The following C1orf21 variants were observed in gnomAD, a reference collection of about 807,000 sequenced individuals.
C1orf21 encodes uncharacterized protein C1orf21.
Under a neutral mutation model 18.7 loss-of-function variants are expected in C1orf21, and 3 were observed. That is an observed-to-expected ratio of 0.16 (90% confidence interval 0.07 to 0.42). The LOEUF (loss-of-function observed/expected upper bound fraction) is 0.42, where lower values mean the gene tolerates loss of function less well. C1orf21 is among the 10% of genes least tolerant of loss of function. The pLI is 0.99. For missense variants in C1orf21, 104 were observed against 143.6 expected (o/e 0.72, Z 1.41); for synonymous variants, 41 against 46.4 (o/e 0.88, Z 0.47).
chr1:184,438,621 C>T (rs1478896576), intron 1 of C1orf21, among the ~76,000 whole-genome samples: 1 of 152,124 alleles, frequency 6.6e-6, no homozygotes, highest in Non-Finnish European at 1.5e-5. Flanking sequence ...TGTTACAGGA[C>T]AGAGGGGATA....
chr1:184,492,013 C>A (rs10911600), intron 2 of C1orf21, among the ~76,000 whole-genome samples: 26,184 of 152,180 alleles, frequency 0.17, 2,467 homozygotes, highest in Admixed American at 0.28. Flanking sequence ...CATCTTCATT[C>A]TTTGTAACTT....
At chr1:184,445,185 GGC>G (rs1657009627) in intron 1 of C1orf21, among the ~76,000 whole-genome samples, 1 of 152,074 alleles carries the variant, frequency 6.6e-6, no homozygotes, top group Non-Finnish European at 1.5e-5. Flanking sequence ...TTTCCATACT[GGC>G]ATGTGGGAAG....
intron 1 of C1orf21, among the ~76,000 whole-genome samples, chr1:184,460,731 G>T (rs1323810241): frequency 3.1e-4 from 25 of 81,834 alleles, no homozygotes; most frequent in Admixed American, 4.9e-4. Context: ...TTTTTTTTAA[G>T]AAATGGGGTC....
At chr1:184,467,172 G>A (rs1449707292) in intron 1 of C1orf21, among the ~76,000 whole-genome samples, 3 of 152,144 alleles carry the variant, frequency 2.0e-5, no homozygotes, top group Admixed American at 6.5e-5. Flanking sequence ...TTCCTTAAAA[G>A]CCGTCTCATC....
chr1:184,507,689 A>G lies in C1orf21; in HGVS notation c.189+7A>G. Reference sequence around the variant, plus strand: ...CAGGAACCAAGAAAACTTGGTAAGAATTGATTTTCTCACTTAACAATGAAT... The same window carrying G: ...CAGGAACCAAGAAAACTTGGTAAGAGTTGATTTTCTCACTTAACAATGAAT... On this transcript the variant is annotated splice_region_variant and intron_variant, in intron 3 of 5. Coordinates refer to ENST00000235307, the MANE Select transcript of C1orf21 (RefSeq NM_030806.4). 6.3e-7 allele frequency: 1 copy of G among 1,576,266 alleles called. No individual in the cohort carries two copies. Among genetic ancestry groups the G allele is most frequent in the Non-Finnish European group, 8.6e-7 (1 of 1,166,988 alleles).
At chr1:184,442,367 G>A (rs181690262) in intron 1 of C1orf21, among the ~76,000 whole-genome samples, 1 of 152,252 alleles carries the variant, frequency 6.6e-6, no homozygotes, top group East Asian at 1.9e-4. Flanking sequence ...GCCCCTCTGA[G>A]TTTGCATCTC....
intron 3 of C1orf21, among the ~76,000 whole-genome samples, chr1:184,522,100 TA>T (rs1440167988): frequency 2.0e-5 from 3 of 152,174 alleles, no homozygotes; most frequent in Non-Finnish European, 4.4e-5. Context: ...AGGGGATGGC[TA>T]GAATGATCCT....
rs554865677 is a variant in C1orf21, at chr1:184,560,648, C to T, written c.190-30091C>T. Among the ~76,000 whole-genome samples the T allele has an allele frequency of 3.8e-3, 576 of 152,156 alleles. 3 individuals carry two copies. The highest frequency in any genetic ancestry group is 5.9e-3 in the Non-Finnish European group (404 of 67,994). On this transcript the variant is annotated intron_variant, in intron 3 of 5. Coordinates refer to ENST00000235307, the MANE Select transcript of C1orf21 (RefSeq NM_030806.4). ...CACCTCAAGTGGAGTGTGGGGGAGA[C>T]GATCAGCTTCCTCCCAGCCATTGAC...
intron 3 of C1orf21, among the ~76,000 whole-genome samples, chr1:184,559,531 CT>C (rs1658928124): frequency 8.0e-6 from 1 of 124,660 alleles, no homozygotes; most frequent in Non-Finnish European, 1.6e-5. Flanking sequence ...TCCTTCCTTC[CT>C]TCCTTCCTTC....
At chr1:184,564,259 T>G (rs1373527125) in intron 3 of C1orf21, among the ~76,000 whole-genome samples, 1 of 152,178 alleles carries the variant, frequency 6.6e-6, no homozygotes, top group Non-Finnish European at 1.5e-5. Flanking sequence ...GTAGAAGAGA[T>G]AGAACACAGC....
Position 184,621,537 on chromosome 1 carries a change from T to A in C1orf21, c.*1981T>A, listed in dbSNP as rs1315116487. On this transcript the variant is annotated 3_prime_UTR_variant, in exon 6 of 6. Coordinates refer to ENST00000235307, the MANE Select transcript of C1orf21 (RefSeq NM_030806.4). ...GTTCACTGGGGACTTTGCTTACCGT[T>A]CTGTGGGTGACCTTTTCCGGGATTT... 6.6e-6 allele frequency: 1 copy of A among 152,600 alleles called. No individual in the cohort carries two copies. The highest frequency in any genetic ancestry group is 2.4e-5 in the African/African-American group (1 of 41,434). The allele number at this position is 152,600 out of a possible 1,614,324, so 9.5% of individuals were successfully genotyped here.
At chr1:184,540,739 C>G (rs1020825554) in intron 3 of C1orf21, among the ~76,000 whole-genome samples, 4 of 152,150 alleles carry the variant, frequency 2.6e-5, no homozygotes, top group Admixed American at 2.6e-4. Context: ...CCAGGAATTT[C>G]TAATCTAGTT....
intron 3 of C1orf21, among the ~76,000 whole-genome samples, chr1:184,582,926 T>A (rs929363151): frequency 6.6e-6 from 1 of 152,056 alleles, no homozygotes; most frequent in African/African-American, 2.4e-5. Flanking sequence ...GAAACCTCCA[T>A]CTCCCGGTTT....
At chr1:184,536,261 G>A (rs547563447) in intron 3 of C1orf21, among the ~76,000 whole-genome samples, 16 of 152,248 alleles carry the variant, frequency 1.1e-4, no homozygotes, top group South Asian at 2.1e-4. Context: ...CAATGTTGGC[G>A]TACACACTCT....
chr1:184,422,508 G>A (rs1044765734), intron 1 of C1orf21, among the ~76,000 whole-genome samples: 6 of 152,098 alleles, frequency 3.9e-5, no homozygotes, highest in African/African-American at 1.4e-4. Flanking sequence ...TAAGTAACTC[G>A]CTTCAGGACA....
rs529250825 is a variant in C1orf21, at chr1:184,552,283, G to A, written c.190-38456G>A. On this transcript the variant is annotated intron_variant, in intron 3 of 5. Coordinates refer to ENST00000235307, the MANE Select transcript of C1orf21 (RefSeq NM_030806.4). ...GCAGAACAAAGAAAATAGCCTGTATGGAAGGAAGGTAGAAGAATAACCTTA... is the reference window on the plus strand; with the variant it reads ...GCAGAACAAAGAAAATAGCCTGTATAGAAGGAAGGTAGAAGAATAACCTTA... Among the ~76,000 whole-genome samples the A allele has an allele frequency of 4.6e-5, 7 of 152,292 alleles. No homozygotes were observed. The East Asian group carries it at 1.2e-3, about 25-fold the overall frequency.
At chr1:184,618,893 G>A (rs1346538057) in intron 5 of C1orf21, among the ~76,000 whole-genome samples, 2 of 152,142 alleles carry the variant, frequency 1.3e-5, no homozygotes, top group African/African-American at 4.8e-5. Context: ...ATGACCTAGA[G>A]GAGAGAGGAT....
intron 1 of C1orf21, among the ~76,000 whole-genome samples, chr1:184,450,662 T>C (rs1657108378): frequency 6.6e-6 from 1 of 152,228 alleles, no homozygotes; most frequent in African/African-American, 2.4e-5. Flanking sequence ...CCTCTTTTGC[T>C]TTAACTTTCC....
At chr1:184,529,092 T>C (rs1658419692) in intron 3 of C1orf21, among the ~76,000 whole-genome samples, 3 of 152,198 alleles carry the variant, frequency 2.0e-5, no homozygotes, top group African/African-American at 7.2e-5. Context: ...TTTTTTTTAA[T>C]TCTTGCCGAT....
Sources: allele counts gnomAD v4.1 joint callset (sites outside exome capture counted in the v4.1 genomes callset), GRCh38; gene constraint gnomAD v4.1.1; transcripts MANE v1.5; gene names NCBI Gene and HGNC (gene_info 2026-07-23, HGNC 2026-07-21).